DAZAP2: variants seen among roughly 807,000 people sequenced by gnomAD.
DAZAP2 encodes DAZ-associated protein 2.
DAZAP2 carries 3 observed loss-of-function variants against 16.2 expected under a neutral mutation model. That is an observed-to-expected ratio of 0.19 (90% confidence interval 0.08 to 0.48). The LOEUF (loss-of-function observed/expected upper bound fraction) is 0.48, where lower values mean the gene tolerates loss of function less well. Ranked by LOEUF, DAZAP2 falls within the 20% of genes least tolerant of loss-of-function variation. The pLI is 0.98. For missense variants in DAZAP2, 172 were observed against 215.9 expected (o/e 0.80, Z 1.27); for synonymous variants, 69 against 77.6 (o/e 0.89, Z 0.58).
At chr12:51,244,553 A>G (rs917247882), downstream of DAZAP2, 3 of 152,242 alleles carry the variant, frequency 2.0e-5, no homozygotes, top group African/African-American at 7.2e-5. Context: ...AACAGAGGCA[A>G]TACATTAAGA....
chr12:51,239,323 C>T lies in DAZAP2; in HGVS notation c.13+403C>T, dbSNP rs1440902722. 28 of 217,714 alleles carry T rather than the reference C, an allele frequency of 1.3e-4. No individual in the cohort carries two copies. In the South Asian group the frequency reaches 1.3e-3, roughly 10 times the overall value. 13.5% of individuals were successfully genotyped at this position (217,714 alleles called of 1,614,324 possible). A position where few individuals can be genotyped will look rare whatever the true frequency, so the allele number is the denominator to read the frequency against. ...GAATTGCTGGAGTTGGTTCGTGGGC[C>T]GGGGCCTGTGAGGTCTCTTTTCCTT... On this transcript the variant is annotated intron_variant, in intron 1 of 3. Transcript: ENST00000412716.
chr12:51,243,411 C>T lies in DAZAP2; in HGVS notation c.*953C>T. The T allele has an allele frequency of 2.0e-6, 2 of 985,790 alleles. No homozygotes were observed. The highest frequency in any genetic ancestry group is 1.7e-5 in the African/African-American group (1 of 57,340). The allele number at this position is 985,790 out of a possible 1,614,324, so 61.1% of individuals were successfully genotyped here. On this transcript the variant is annotated 3_prime_UTR_variant, in exon 4 of 4. Coordinates refer to ENST00000412716, the MANE Select transcript of DAZAP2 (RefSeq NM_014764.4). ...TGGTTACCATTTTTTGTCAGAGTGT[C>T]TGATGCGGCCACTCATTCGGCTCCC...
chr12:51,241,047 A>C lies in DAZAP2; in HGVS notation c.309A>C (p.Thr103=), dbSNP rs745401469. Reference sequence around the variant, plus strand: ...GTCCCATCTATCCACCTGGCTCCACAGTGCTGGTGGAAGGAGGGTATGATG... The same window carrying C: ...GTCCCATCTATCCACCTGGCTCCACCGTGCTGGTGGAAGGAGGGTATGATG... ...PVGPIYPPGS[T]VLVEGGYDAG... The change falls in exon 3 of 4, where the codon ACA becomes ACC. Residue 103 remains threonine, a synonymous_variant. Transcript: ENST00000412716. 3.7e-6 allele frequency: 6 copies of C among 1,614,084 alleles called. No homozygotes were observed. The highest frequency in any genetic ancestry group is 5.1e-6 in the Non-Finnish European group (6 of 1,180,040).
rs758485572 is a variant in DAZAP2, at chr12:51,238,879, C to T, written c.-29C>T. On this transcript the variant is annotated 5_prime_UTR_variant, in exon 1 of 4. In the 5' UTR this introduces an upstream ATG that the reference lacks. Transcript: ENST00000412716. ...GGACGAAAAAAATAACCGTCCGCGA[C>T]GCCGAGACAAACCGGACCCGCAACC... 1.2e-6 allele frequency: 2 copies of T among 1,613,180 alleles called. No individual in the cohort carries two copies. The highest frequency in any genetic ancestry group is 2.2e-5 in the East Asian group (1 of 44,858).
At chr12:51,242,214 C>T (rs1944689728) in intron 3 of DAZAP2, 116 bp from the exon 4 acceptor site, 1 of 1,441,086 alleles carries the variant, frequency 6.9e-7, no homozygotes, top group Non-Finnish European at 9.2e-7. Flanking sequence ...GAACTAGCTC[C>T]TTAAAACGCA....
At chr12:51,245,232 G>C (rs1565655466), downstream of DAZAP2, 3 of 152,202 alleles carry the variant, frequency 2.0e-5, no homozygotes, top group East Asian at 5.8e-4. Flanking sequence ...ACTTTCCTAG[G>C]GTTCTTATTG....
Position 51,243,456 on chromosome 12 carries a change from T to TA in DAZAP2, c.*1000dup. ...GCTCCCCAGAATTCCTAGACTGGGT[T>TA]AATAGGGTCATATTGTGAATGTCTC... On this transcript the variant is annotated 3_prime_UTR_variant, in exon 4 of 4. Transcript: ENST00000412716. The TA allele has an allele frequency of 2.0e-6, 2 of 985,812 alleles. No individual in the cohort carries two copies. The highest frequency in any genetic ancestry group is 2.4e-6 in the Non-Finnish European group (2 of 829,928). The allele number at this position is 985,812 out of a possible 1,614,324, so 61.1% of individuals were successfully genotyped here.
intron 3 of DAZAP2, among the ~76,000 whole-genome samples, chr12:51,241,972 A>C (rs1226547078): frequency 2.0e-5 from 3 of 152,044 alleles, no homozygotes; most frequent in Non-Finnish European, 4.4e-5. Flanking sequence ...TGTAGGGACC[A>C]TGTGGGATTC....
In DAZAP2 at chr12:51,240,452, C is replaced by G. The variant is rs115317542; in HGVS notation, c.123C>G (p.Ala41=). 1 of 1,613,740 alleles carries G rather than the reference C, an allele frequency of 6.2e-7. No individual in the cohort carries two copies. The highest frequency in any genetic ancestry group is 8.5e-7 in the Non-Finnish European group (1 of 1,179,652). ...QAPPYTDAPP[A]YSELYRPSFV... is the part of the protein sequence containing the mutation. The stretch of plus-strand genomic sequence containing the variant: ...CACCCTATACCGATGCTCCACCTGC[C>G]TACTCAGAGGTGCTTCCAGTTTGCC... Residue 41 remains alanine (A), a synonymous_variant, in exon 2 of 4, where the codon GCC becomes GCG. Coordinates refer to ENST00000412716, the MANE Select transcript of DAZAP2 (RefSeq NM_014764.4).
At chr12:51,241,641 G>A (rs372414145) in intron 3 of DAZAP2, among the ~76,000 whole-genome samples, 60 of 152,250 alleles carry the variant, frequency 3.9e-4, no homozygotes, top group African/African-American at 1.3e-3. Flanking sequence ...TGTCATTAGC[G>A]AGCCTTCAGT....
At chr12:51,241,475 ATAAT>A (rs1210778014) in intron 3 of DAZAP2, among the ~76,000 whole-genome samples, 1 of 152,202 alleles carries the variant, frequency 6.6e-6, no homozygotes, top group Non-Finnish European at 1.5e-5. Context: ...AGGAACCCTG[ATAAT>A]TAAAAAAGTA....
At position 51,242,314 on chromosome 12, in the gene DAZAP2, T is replaced by C. The variant is rs763553723; in HGVS notation, c.379-16T>C. 1.9e-6 allele frequency: 3 copies of C among 1,572,968 alleles called. No homozygotes were observed. The East Asian group carries it at 6.7e-5, about 35-fold the overall frequency. On this transcript the variant is annotated splice_polypyrimidine_tract_variant and intron_variant, in intron 3 of 3. Transcript: ENST00000412716. ...TAGCTGCCCTGTGCCCATTCTATCATGTCATTTCCTTTCAGCCTCCACCTC... is the reference window on the plus strand; with the variant it reads ...TAGCTGCCCTGTGCCCATTCTATCACGTCATTTCCTTTCAGCCTCCACCTC...
In DAZAP2 at chr12:51,240,890, T is replaced by A. The variant is rs141098217; in HGVS notation, c.152T>A (p.Val51Glu). Residue 51 changes from valine to glutamate, a missense_variant, in exon 3 of 4, where the codon GTG (valine) becomes GAG (glutamate). Transcript: ENST00000412716. ...TTCTAGCTCTATCGTCCGAGCTTTG[T>A]GCACCCAGGGGCTGCCACAGTCCCC... Reference protein sequence around the residue: ...AYSELYRPSFVHPGAATVPTM... With the variant: ...AYSELYRPSFEHPGAATVPTM... The A allele has an allele frequency of 1.2e-6, 2 of 1,613,992 alleles. No homozygotes were observed. The highest frequency in any genetic ancestry group is 2.7e-5 in the African/African-American group (2 of 74,952).
At chr12:51,239,009 G>A in intron 1 of DAZAP2, 89 bp downstream of exon 1, 1 of 1,568,972 alleles carries the variant, frequency 6.4e-7, no homozygotes. Flanking sequence ...CAAACGCCAG[G>A]TTTGGGGTGG....
At chr12:51,246,604 C>CTGTGTGTGTGTGTGTGTG (rs59561227), downstream of DAZAP2, 42 of 338,210 alleles carry the variant, frequency 1.2e-4, no homozygotes, top group African/African-American at 8.1e-4. Flanking sequence ...TCTTTTATGG[C>CTGTGTGTGTGTGTGTGTG]TGTGTGTGTG....
At chr12:51,240,696 A>G (rs1944659740) in intron 2 of DAZAP2, 175 bp from the exon 3 acceptor site, 3 of 951,442 alleles carry the variant, frequency 3.2e-6, no homozygotes, top group African/African-American at 3.3e-5. Context: ...TGAGCCCAAC[A>G]TTAGCTATAG....
In DAZAP2 at chr12:51,242,566, T is replaced by A. The variant is rs1170336145; in HGVS notation, c.*108T>A. ...CCTGAAGTTGCAGTTTAGACACATGTTGTTGGGGTGTCTTTCTGGTGCCCA... is the reference window on the plus strand; with the variant it reads ...CCTGAAGTTGCAGTTTAGACACATGATGTTGGGGTGTCTTTCTGGTGCCCA... On this transcript the variant is annotated 3_prime_UTR_variant, in exon 4 of 4. Transcript: ENST00000412716. The A allele has an allele frequency of 6.2e-7, 1 of 1,611,566 alleles. No individual in the cohort carries two copies. The highest frequency in any genetic ancestry group is 8.5e-7 in the Non-Finnish European group (1 of 1,179,272).
chr12:51,244,375 T>C (rs551623500), downstream of DAZAP2, among the ~76,000 whole-genome samples: 1 of 152,152 alleles, frequency 6.6e-6, no homozygotes, highest in Non-Finnish European at 1.5e-5. Context: ...TTCTGTACTT[T>C]TAGTAGAGAC....
In DAZAP2 at chr12:51,242,998, T is replaced by G; in HGVS notation, c.*540T>G. ...CCGCCAGTCTCCATTGAATCAATGG[T>G]GCAGGACAGAAAGCCAGTCAGACTA... On this transcript the variant is annotated 3_prime_UTR_variant, in exon 4 of 4. Transcript: ENST00000412716. 9.8e-7 allele frequency: 1 copy of G among 1,021,988 alleles called. No homozygotes were observed. Among genetic ancestry groups the G allele is most frequent in the Non-Finnish European group, 1.2e-6 (1 of 853,654 alleles). 63.3% of individuals were successfully genotyped at this position (1,021,988 alleles called of 1,614,324 possible).
Sources: allele counts gnomAD v4.1 joint callset (sites outside exome capture counted in the v4.1 genomes callset), GRCh38; gene constraint gnomAD v4.1.1; transcripts MANE v1.5; gene names NCBI Gene and HGNC (gene_info 2026-07-23, HGNC 2026-07-21).